The following TMEM204 variants were observed in gnomAD, a reference collection of about 807,000 sequenced individuals.
TMEM204 encodes transmembrane protein 204.
Under a neutral mutation model 19.4 loss-of-function variants are expected in TMEM204, and 15 were observed. The ratio of observed to expected loss-of-function variants is 0.77; its 90% CI spans 0.52 to 1.19. The LOEUF (loss-of-function observed/expected upper bound fraction) is 1.19, where lower values mean the gene tolerates loss of function less well. Among genes scored for constraint, TMEM204 ranks in the 50% most tolerant of loss-of-function variants. TMEM204 has a pLI of 0.00. For missense variants in TMEM204, 287 were observed against 321.2 expected, an observed-to-expected ratio of 0.89 and a Z score of 0.81; for synonymous variants, 161 against 146.0, an observed-to-expected ratio of 1.10 and a Z score of -0.74.
intron 2 of TMEM204, among the ~76,000 whole-genome samples, chr16:1,550,776 G>A (rs554975227): frequency 6.6e-6 from 1 of 152,232 alleles, no homozygotes; most frequent in Non-Finnish European, 1.5e-5. Context: ...GGGACACAGA[G>A]ATTAATGACT....
chr16:1,553,208 CTG>C lies in TMEM204; in HGVS notation c.437-1572_437-1571del. 1 of 980,512 alleles carries C rather than the reference CTG, an allele frequency of 1.0e-6. No homozygotes were observed. The highest frequency in any genetic ancestry group is 6.1e-5 in the Admixed American group (1 of 16,272). 60.7% of individuals were successfully genotyped at this position (980,512 alleles called of 1,614,324 possible). The stretch of plus-strand genomic sequence containing the variant: ...TCTCTCCTTCCCTGTGTCTCTGTCT[CTG>C]TCTCTCTCTGTCTCCATCTGTCTCT... On this transcript the variant is annotated intron_variant, in intron 2 of 2. Transcript: ENST00000566264. The surrounding 1 kb of genome is among the most constrained non-coding windows in gnomAD (Gnocchi z 4.4).
intron 2 of TMEM204, 72 bp from the exon 3 acceptor site, chr16:1,554,710 C>G: frequency 1.3e-6 from 2 of 1,582,240 alleles, no homozygotes; most frequent in Non-Finnish European, 1.7e-6. Flanking sequence ...TGCTCTAGGA[C>G]AGAGGGCTGG....
chr16:1,549,240 A>ACT (rs2032436284), intron 2 of TMEM204, among the ~76,000 whole-genome samples: 2 of 152,230 alleles, frequency 1.3e-5, no homozygotes, highest in African/African-American at 4.8e-5. Flanking sequence ...GCTGCTCTCC[A>ACT]CACAGAAGTC....
intron 2 of TMEM204, among the ~76,000 whole-genome samples, chr16:1,546,437 C>G (rs987892002): frequency 6.6e-6 from 1 of 152,184 alleles, no homozygotes; most frequent in African/African-American, 2.4e-5. Context: ...CCTGGACGAG[C>G]CCCCCTTCCC....
At chr16:1,549,999 C>T (rs1225398336) in intron 2 of TMEM204, among the ~76,000 whole-genome samples, 2 of 151,984 alleles carry the variant, frequency 1.3e-5, no homozygotes, top group Non-Finnish European at 2.9e-5. Context: ...TTTTGTCGCC[C>T]AGGCTGAGTG....
chr16:1,555,072 A>C lies in TMEM204; in HGVS notation c.*46A>C. The C allele has an allele frequency of 6.4e-7, 1 of 1,568,410 alleles. No individual in the cohort carries two copies. Among genetic ancestry groups the C allele is most frequent in the Non-Finnish European group, 8.6e-7 (1 of 1,160,180 alleles). The stretch of plus-strand genomic sequence containing the variant: ...ATCAACGCACACCTGCTATCGTGGA[A>C]CAGCCTAGAAACCAAGGGACTCCAC... On this transcript the variant is annotated 3_prime_UTR_variant, in exon 3 of 3. Coordinates refer to ENST00000566264, the MANE Select transcript of TMEM204 (RefSeq NM_024600.6).
At chr16:1,542,906 G>A (rs947434764) in intron 2 of TMEM204, among the ~76,000 whole-genome samples, 4 of 152,254 alleles carry the variant, frequency 2.6e-5, no homozygotes, top group Admixed American at 6.5e-5. Context: ...CATAGAGGGT[G>A]ACAGTGATGG....
chr16:1,555,352 T>C lies in TMEM204; in HGVS notation c.*326T>C, dbSNP rs563731219. Reference sequence around the variant, plus strand: ...AGGCTGCCCTGCGCTCCGCTTTGCTTTGGGATTAATTTATTCTGCATCTGC... The same window carrying C: ...AGGCTGCCCTGCGCTCCGCTTTGCTCTGGGATTAATTTATTCTGCATCTGC... On this transcript the variant is annotated 3_prime_UTR_variant, in exon 3 of 3. Transcript: ENST00000566264. 1 of 296,726 alleles carries C rather than the reference T, an allele frequency of 3.4e-6. No individual in the cohort carries two copies. The highest frequency in any genetic ancestry group is 6.4e-6 in the Non-Finnish European group (1 of 157,230). The allele number at this position is 296,726 out of a possible 1,614,324, so 18.4% of individuals were successfully genotyped here. A position where few individuals can be genotyped will look rare whatever the true frequency, so the allele number is the denominator to read the frequency against.
intron 2 of TMEM204, among the ~76,000 whole-genome samples, chr16:1,546,290 C>T (rs905077869): frequency 1.3e-5 from 2 of 152,214 alleles, no homozygotes; most frequent in African/African-American, 4.8e-5. Context: ...CCGGGAGGCT[C>T]CCTGGCACTC....
At position 1,553,535 on chromosome 16, in the gene TMEM204, C is replaced by T. The variant is rs942027385; in HGVS notation, c.437-1247C>T. On this transcript the variant is annotated intron_variant, in intron 2 of 2. Coordinates refer to ENST00000566264, the MANE Select transcript of TMEM204 (RefSeq NM_024600.6). The surrounding 1 kb of genome is among the most constrained non-coding windows in gnomAD (Gnocchi z 4.4). ...CTGGGGAGGGACATGGACAAGTCCT[C>T]TATGGACAAGAGGGGCTGGAGAGTT... is the stretch of plus-strand genomic sequence containing the variant. 2 of 996,418 alleles carry T rather than the reference C, an allele frequency of 2.0e-6. No individual in the cohort carries two copies. Among genetic ancestry groups the T allele is most frequent in the African/African-American group, 1.7e-5 (1 of 57,474 alleles). 61.7% of individuals were successfully genotyped at this position (996,418 alleles called of 1,614,324 possible).
Position 1,554,837 on chromosome 16 carries a change from C to T in TMEM204, c.492C>T (p.Asn164=), listed in dbSNP as rs770057972. 6.2e-7 allele frequency: 1 copy of T among 1,614,228 alleles called. No individual in the cohort carries two copies. Among genetic ancestry groups the T allele is most frequent in the Non-Finnish European group, 8.5e-7 (1 of 1,180,050 alleles). ...VTFYRIGPYT[N]LSWSCYLNIG... ...TCTACAGAATTGGCCCATACACCAA[C>T]CTGTCCTGGTCCTGCTACCTGAACA... Residue 164 remains asparagine, a synonymous_variant, in exon 3 of 3, where the codon AAC becomes AAT. Transcript: ENST00000566264.
At chr16:1,532,154 T>C (rs1596315932), upstream of TMEM204, 1 of 151,974 alleles carries the variant, frequency 6.6e-6, no homozygotes, top group Non-Finnish European at 1.5e-5. Context: ...CCCAGGGCCT[T>C]CCGAGCCACC....
intron 1 of TMEM204, among the ~76,000 whole-genome samples, chr16:1,537,986 C>T (rs533291368): frequency 6.6e-5 from 10 of 152,356 alleles, no homozygotes; most frequent in African/African-American, 1.4e-4. Flanking sequence ...ACGTTCTCAC[C>T]GACACCTTTA....
chr16:1,541,468 G>A (rs1313686051), intron 1 of TMEM204: 1 of 985,418 alleles, frequency 1.0e-6, no homozygotes, highest in Non-Finnish European at 1.2e-6. Flanking sequence ...CACGCCTGAG[G>A]AGCTGGCCCC....
chr16:1,539,973 G>C (rs2141275333), intron 1 of TMEM204, among the ~76,000 whole-genome samples: 1 of 152,346 alleles, frequency 6.6e-6, no homozygotes. Flanking sequence ...CAGTGGAAAA[G>C]CCTGGCATCC....
Position 1,555,096 on chromosome 16 carries a change from A to G in TMEM204, c.*70A>G. ...AACAGCCTAGAAACCAAGGGACTCCACCACCAAGTCACTTCCCCTGCTCGT... is the reference window on the plus strand; with the variant it reads ...AACAGCCTAGAAACCAAGGGACTCCGCCACCAAGTCACTTCCCCTGCTCGT... On this transcript the variant is annotated 3_prime_UTR_variant, in exon 3 of 3. Coordinates refer to ENST00000566264, the MANE Select transcript of TMEM204 (RefSeq NM_024600.6). 6.5e-7 allele frequency: 1 copy of G among 1,532,766 alleles called. No homozygotes were observed. Among genetic ancestry groups the G allele is most frequent in the Non-Finnish European group, 8.7e-7 (1 of 1,142,984 alleles). The allele number at this position is 1,532,766 out of a possible 1,614,324, so 94.9% of individuals were successfully genotyped here.
chr16:1,555,041 C>A lies in TMEM204; in HGVS notation c.*15C>A. Reference sequence around the variant, plus strand: ...CACCATGCTGAGTCGCCCTTCTCAGCGCTCCATCAACGCACACCTGCTATC... The same window carrying A: ...CACCATGCTGAGTCGCCCTTCTCAGAGCTCCATCAACGCACACCTGCTATC... On this transcript the variant is annotated 3_prime_UTR_variant, in exon 3 of 3. Transcript: ENST00000566264. 1.9e-6 allele frequency: 3 copies of A among 1,599,714 alleles called. No homozygotes were observed. Among genetic ancestry groups the A allele is most frequent in the Non-Finnish European group, 2.6e-6 (3 of 1,173,340 alleles).
chr16:1,553,220 GTC>G lies in TMEM204; in HGVS notation c.437-1559_437-1558del. The G allele has an allele frequency of 1.0e-6, 1 of 977,358 alleles. No homozygotes were observed. The highest frequency in any genetic ancestry group is 4.7e-5 in the South Asian group (1 of 21,088). The allele number at this position is 977,358 out of a possible 1,614,324, so 60.5% of individuals were successfully genotyped here. On this transcript the variant is annotated intron_variant, in intron 2 of 2. Coordinates refer to ENST00000566264, the MANE Select transcript of TMEM204 (RefSeq NM_024600.6). This position sits in a 1 kb window ranked among gnomAD's most constrained non-coding sequence, Gnocchi z 4.4. ...TGTGTCTCTGTCTCTGTCTCTCTCT[GTC>G]TCCATCTGTCTCTGTGTCTGTCTCT...
chr16:1,530,063 C>A (rs1024029156), upstream of TMEM204, among the ~76,000 whole-genome samples: 1 of 151,064 alleles, frequency 6.6e-6, no homozygotes, highest in African/African-American at 2.4e-5. Flanking sequence ...ATGGCCGCTT[C>A]GTAAACACCA....
Sources: gnomAD v4.1 joint callset for allele counts (sites outside exome capture counted in the v4.1 genomes callset) on GRCh38, gnomAD v4.1.1 for gene constraint, Gnocchi (gnomAD v3.1) non-coding constraint, MANE v1.5 for transcripts, NCBI Gene and HGNC (gene_info 2026-07-23, HGNC 2026-07-21) for gene names.